TECR: variants seen among roughly 807,000 people sequenced by gnomAD.
TECR encodes the protein very-long-chain enoyl-CoA reductase.
Under a neutral mutation model 50.6 loss-of-function variants are expected in TECR, and 19 were observed. The ratio of observed to expected loss-of-function variants is 0.38; its 90% CI spans 0.26 to 0.55. TECR has a LOEUF of 0.55. Ranked by LOEUF, TECR falls within the 20% of genes least tolerant of loss-of-function variation. TECR has a pLI of 0.79. For missense variants in TECR, 313 were observed against 408.3 expected (o/e 0.77, Z 2.01); for synonymous variants, 168 against 163.5 (o/e 1.03, Z -0.21).
At chr19:14,547,214 A>G (rs2073338037) in intron 1 of TECR, among the ~76,000 whole-genome samples, 1 of 152,222 alleles carries the variant, frequency 6.6e-6, no homozygotes, top group Admixed American at 6.5e-5. Flanking sequence ...CTCTAGATAG[A>G]TTTAACAGAG....
At chr19:14,562,442 T>G (rs1243542832) in intron 1 of TECR, 83 bp from the exon 2 acceptor site, 5 of 1,528,350 alleles carry the variant, frequency 3.3e-6, no homozygotes, top group Non-Finnish European at 4.5e-6. Flanking sequence ...ACCCCAGGCC[T>G]CCTCCCTGGC....
In TECR at chr19:14,564,855, C is replaced by T; in HGVS notation, c.559C>T (p.Pro187Ser). ...CATCAATCACCCTCTCTACACTCCCCCTAGTAAGTGGCCTCAGACCATCCT... is the reference window on the plus strand; with the variant it reads ...CATCAATCACCCTCTCTACACTCCCTCTAGTAAGTGGCCTCAGACCATCCT... ...YYINHPLYTPPTYGAQQVKLA... is the reference protein window; with the variant it reads ...YYINHPLYTPSTYGAQQVKLA... The change falls in exon 8 of 13, where the codon CCT becomes TCT. Residue 187 changes from proline to serine, a missense_variant. Physicochemically the swap from Pro to Ser is moderately conservative, Grantham distance 74. Coordinates refer to ENST00000215567, the MANE Select transcript of TECR (RefSeq NM_138501.6). The T allele has an allele frequency of 6.2e-7, 1 of 1,613,994 alleles. No individual in the cohort carries two copies. The highest frequency in any genetic ancestry group is 8.5e-7 in the Non-Finnish European group (1 of 1,180,020).
chr19:14,564,347 C>T lies in TECR; in HGVS notation c.489+60C>T. ...GCCTTTCTGCCCCACCCCGCCCCGC[C>T]CCCACCGAGCCCCACCCCAAGGCCC... On this transcript the variant is annotated intron_variant, in intron 7 of 12. Transcript: ENST00000215567. The T allele has an allele frequency of 4.7e-6, 6 of 1,285,360 alleles. No homozygotes were observed. In the South Asian group the frequency reaches 7.7e-5, roughly 16 times the overall value. 79.6% of individuals were successfully genotyped at this position (1,285,360 alleles called of 1,614,324 possible).
chr19:14,535,374 G>C (rs1465766711), intron 1 of TECR, among the ~76,000 whole-genome samples: 1 of 150,476 alleles, frequency 6.6e-6, no homozygotes, highest in Non-Finnish European at 1.5e-5. Context: ...TGAGTGTGGT[G>C]GTGGGTACCT....
At chr19:14,532,907 C>T (rs113340694) in intron 1 of TECR, among the ~76,000 whole-genome samples, 3,007 of 150,000 alleles carry the variant, frequency 0.02, 84 homozygotes, top group African/African-American at 0.065. Context: ...GTCAGGAGTT[C>T]GAGACCAGCC....
At chr19:14,562,487 T>G in intron 1 of TECR, 38 bp from the exon 2 acceptor site, 1 of 1,613,806 alleles carries the variant, frequency 6.2e-7, no homozygotes, top group East Asian at 2.2e-5. Flanking sequence ...CCCCCAAAGG[T>G]GGCCAAGAAA....
chr19:14,534,015 A>G (rs1212256653), intron 1 of TECR: 1 of 152,134 alleles, frequency 6.6e-6, no homozygotes, highest in Non-Finnish European at 1.5e-5. Flanking sequence ...TTCCTGAGAA[A>G]ATCAGTCTGT....
At chr19:14,562,676 C>T in intron 2 of TECR, 101 bp downstream of exon 2, 1 of 1,344,668 alleles carries the variant, frequency 7.4e-7, no homozygotes, top group South Asian at 1.2e-5. Context: ...TGTGCCCCAC[C>T]CCCTGCCCTA....
chr19:14,537,546 C>A (rs557184769), intron 1 of TECR, among the ~76,000 whole-genome samples: 1 of 152,124 alleles, frequency 6.6e-6, no homozygotes, highest in African/African-American at 2.4e-5. Context: ...CCTGCACTTT[C>A]ATTGACAAGC....
At chr19:14,537,391 A>G (rs1219655565) in intron 1 of TECR, among the ~76,000 whole-genome samples, 1 of 151,922 alleles carries the variant, frequency 6.6e-6, no homozygotes, top group African/African-American at 2.4e-5. Context: ...ACCCAGGTGG[A>G]TTTAGAGGCT....
Position 14,565,970 on chromosome 19 carries a change from C to T in TECR, c.*99C>T, listed in dbSNP as rs1599511366. On this transcript the variant is annotated 3_prime_UTR_variant, in exon 13 of 13. Coordinates refer to ENST00000215567, the MANE Select transcript of TECR (RefSeq NM_138501.6). ...CAGCACCCGGAATAAAGCCCGCCTG[C>T]CCCAGTCGGACTCGGGCTCTGTGTG... is the stretch of plus-strand genomic sequence containing the variant. The T allele has an allele frequency of 5.8e-6, 9 of 1,551,918 alleles. No homozygotes were observed. The highest frequency in any genetic ancestry group is 2.2e-4 in the Middle Eastern group (1 of 4,484).
chr19:14,534,366 C>T lies in TECR; in HGVS notation c.15+4655C>T, dbSNP rs375866630. Among the ~76,000 whole-genome samples, 147 of 148,612 alleles carry T rather than the reference C, an allele frequency of 9.9e-4. 4 individuals carry two copies. In the South Asian group the frequency reaches 0.029, roughly 29 times the overall value. On this transcript the variant is annotated intron_variant, in intron 1 of 12. Coordinates refer to ENST00000215567, the MANE Select transcript of TECR (RefSeq NM_138501.6). ...GTCTCGATCTCCTGACCTTATGATCCGCCCGCCTCGGCCTCCCAGGGTGCT... is the reference window on the plus strand; with the variant it reads ...GTCTCGATCTCCTGACCTTATGATCTGCCCGCCTCGGCCTCCCAGGGTGCT...
chr19:14,538,655 C>T (rs549950947), intron 1 of TECR, among the ~76,000 whole-genome samples: 2 of 151,774 alleles, frequency 1.3e-5, no homozygotes, highest in South Asian at 2.1e-4. Flanking sequence ...GCCTCAGCCT[C>T]CCGAGTAGCT....
chr19:14,547,800 C>T (rs1043558507), intron 1 of TECR, among the ~76,000 whole-genome samples: 2 of 151,678 alleles, frequency 1.3e-5, no homozygotes, highest in Admixed American at 6.6e-5. Flanking sequence ...GCTAGGACTA[C>T]AGGTGCATAC....
rs11671378 is a variant in TECR, at chr19:14,545,410, G to C, written c.15+15699G>C. 5.2e-4 allele frequency among the ~76,000 whole-genome samples: 77 copies of C among 148,860 alleles called. No homozygotes were observed. In the South Asian group the frequency reaches 0.012, roughly 22 times the overall value. ...CCCACTGTGGCCCTCTGGGCCCTCT[G>C]CACCGCTGTCTCCTCTCCACAGCTC... On this transcript the variant is annotated intron_variant, in intron 1 of 12. Coordinates refer to ENST00000215567, the MANE Select transcript of TECR (RefSeq NM_138501.6).
Position 14,561,554 on chromosome 19 carries a change from CT to C in TECR, c.16-968del, listed in dbSNP as rs2073903158. Reference sequence around the variant, plus strand: ...GCTCTTGGACGCAGGAAGCGCCGGGCTTTAGTGGGGCGCAGGTCCTGGGTGA... The same window carrying C: ...GCTCTTGGACGCAGGAAGCGCCGGGCTTAGTGGGGCGCAGGTCCTGGGTGA... On this transcript the variant is annotated intron_variant, in intron 1 of 12. Coordinates refer to ENST00000215567, the MANE Select transcript of TECR (RefSeq NM_138501.6). Among the ~76,000 whole-genome samples the C allele has an allele frequency of 2.0e-5, 3 of 152,144 alleles. No homozygotes were observed. The South Asian group carries it at 6.2e-4, about 31-fold the overall frequency.
chr19:14,537,293 G>C (rs1408723559), intron 1 of TECR, among the ~76,000 whole-genome samples: 2 of 149,506 alleles, frequency 1.3e-5, no homozygotes, highest in Non-Finnish European at 3.0e-5. Flanking sequence ...GGACCAGGGA[G>C]GGGGAGGCGG....
intron 2 of TECR, 80 bp downstream of exon 2, chr19:14,562,655 G>T (rs750689402): frequency 1.9e-6 from 3 of 1,540,202 alleles, no homozygotes; most frequent in Non-Finnish European, 2.7e-6. Context: ...GAGCTGTCCA[G>T]TGGGGCCCTT....
chr19:14,562,715 G>A (rs944403069), intron 2 of TECR, 140 bp downstream of exon 2: 30 of 967,192 alleles, frequency 3.1e-5, no homozygotes, highest in Non-Finnish European at 4.6e-5. Flanking sequence ...CTTGGGGTAG[G>A]GTGGATAGCC....
Sources: gnomAD v4.1 joint callset for allele counts (sites outside exome capture counted in the v4.1 genomes callset) on GRCh38, gnomAD v4.1.1 for gene constraint, MANE v1.5 for transcripts, NCBI Gene and HGNC (gene_info 2026-07-23, HGNC 2026-07-21) for gene names.